NCOA2: variants seen among roughly 807,000 people sequenced by gnomAD.
NCOA2 encodes the protein class E basic helix-loop-helix protein 75.
In NCOA2, 21 loss-of-function variants were observed where a neutral mutation model predicts 145.1. That is an observed-to-expected ratio of 0.14 (90% confidence interval 0.10 to 0.21). The LOEUF (loss-of-function observed/expected upper bound fraction) is 0.21. NCOA2 is among the 10% of genes least tolerant of loss of function. The pLI is 1.00. For synonymous variants in NCOA2, 619 were observed against 637.5 expected, an observed-to-expected ratio of 0.97 and a Z score of 0.44; for missense variants, 1,472 against 1,837.6, an observed-to-expected ratio of 0.80 and a Z score of 3.64.
At chr8:70,277,034 AG>A (rs1225415371) in intron 2 of NCOA2, among the ~76,000 whole-genome samples, 1 of 152,224 alleles carries the variant, frequency 6.6e-6, no homozygotes. Flanking sequence ...ACCCCATTTA[AG>A]CAGAACCTAG....
At chr8:70,201,126 T>G (rs976903635) in intron 4 of NCOA2, among the ~76,000 whole-genome samples, 14 of 151,964 alleles carry the variant, frequency 9.2e-5, no homozygotes, top group African/African-American at 2.9e-4. Flanking sequence ...ATGGTAAATT[T>G]TATATTATGA....
At chr8:70,371,042 C>T (rs776176757) in intron 1 of NCOA2, among the ~76,000 whole-genome samples, 1 of 152,150 alleles carries the variant, frequency 6.6e-6, no homozygotes, top group Non-Finnish European at 1.5e-5. Context: ...AATCCCAGCA[C>T]TTTGGGAGGC....
chr8:70,449,635 G>T, the NCOA2 span, among the ~76,000 whole-genome samples: 1 of 152,114 alleles, frequency 6.6e-6, no homozygotes, highest in Non-Finnish European at 1.5e-5. Flanking sequence ...TCTACCCAGG[G>T]ATCCCCACTG....
chr8:70,329,825 C>T (rs977350340), intron 1 of NCOA2, among the ~76,000 whole-genome samples: 4 of 152,142 alleles, frequency 2.6e-5, no homozygotes, highest in Admixed American at 6.6e-5. Flanking sequence ...CAAAAAAGTA[C>T]GTCTTATATG....
upstream of NCOA2, among the ~76,000 whole-genome samples, chr8:70,406,839 A>G (rs575837774): frequency 1.1e-3 from 171 of 152,326 alleles, no homozygotes; most frequent in African/African-American, 4.0e-3. Flanking sequence ...AGTTAATACT[A>G]CTAGCATACA....
Position 70,157,100 on chromosome 8 carries a change from T to C in NCOA2, c.1265A>G (p.Asn422Ser), listed in dbSNP as rs1408672577. The C allele has an allele frequency of 1.9e-6, 3 of 1,613,856 alleles. No individual in the cohort carries two copies. The highest frequency in any genetic ancestry group is 2.5e-6 in the Non-Finnish European group (3 of 1,179,896). Residue 422 changes from asparagine to serine, a missense_variant, in exon 11 of 23, where the codon AAT becomes AGT. By Grantham distance (46) the Asn-to-Ser change is conservative. Around this residue, in one of 4 missense-constraint regions of NCOA2, gnomAD observed 953 missense variants for 1,062.1 expected, o/e 0.90. Transcript: ENST00000452400. ...TGGGCCATTTATGGGAAAATTTATA[T>C]TGCTACTGAGGGTCATGTCCTGACC... ...NPGQDMTLSS[N>S]INFPINGPKE...
chr8:70,128,636 C>T (rs1343114995), intron 17 of NCOA2, 66 bp downstream of exon 17: 2 of 1,596,774 alleles, frequency 1.3e-6, no homozygotes, highest in African/African-American at 1.3e-5. Context: ...TGTGCTGTCT[C>T]ACATCATCTT....
intron 1 of NCOA2, among the ~76,000 whole-genome samples, chr8:70,354,613 A>G (rs1225273728): frequency 6.6e-6 from 1 of 152,194 alleles, no homozygotes; most frequent in Non-Finnish European, 1.5e-5. Flanking sequence ...CTGGCCCTTC[A>G]TCTCTGAAGA....
At chr8:70,282,028 A>G (rs7003091) in intron 2 of NCOA2, among the ~76,000 whole-genome samples, 16,005 of 152,260 alleles carry the variant, frequency 0.11, 1,283 homozygotes, top group East Asian at 0.41. Context: ...ATCATTCTGA[A>G]TATTTGATAC....
the NCOA2 span, among the ~76,000 whole-genome samples, chr8:70,420,025 G>A: frequency 6.6e-6 from 1 of 152,184 alleles, no homozygotes; most frequent in Non-Finnish European, 1.5e-5. Context: ...ATATGTGCTG[G>A]AGTATTTTTC....
rs149357732 is a variant in NCOA2 at position 70,111,370 on chromosome 8, C to T, written c.*2262G>A. ...GTGCTGTGTGAAGTTAAAAGTCATT[C>T]TAATTCACATATTTCTGAACATTAA... On this transcript the variant is annotated 3_prime_UTR_variant, in exon 23 of 23. Coordinates refer to ENST00000452400, the MANE Select transcript of NCOA2 (RefSeq NM_006540.4). 3 of 223,882 alleles carry T rather than the reference C, an allele frequency of 1.3e-5. No homozygotes were observed. Among genetic ancestry groups the T allele is most frequent in the Admixed American group, 1.1e-4 (2 of 17,462 alleles). The allele number at this position is 223,882 out of a possible 1,614,324, so 13.9% of individuals were successfully genotyped here.
intron 2 of NCOA2, among the ~76,000 whole-genome samples, chr8:70,290,188 T>C (rs910169306): frequency 6.7e-5 from 10 of 149,620 alleles, no homozygotes; most frequent in Non-Finnish European, 1.2e-4. Flanking sequence ...CCATTGATTT[T>C]TTTTTTTTTT....
At chr8:70,291,959 C>T (rs1826720591) in intron 2 of NCOA2, among the ~76,000 whole-genome samples, 1 of 151,746 alleles carries the variant, frequency 6.6e-6, no homozygotes, top group Non-Finnish European at 1.5e-5. Context: ...GCCTGTAGTC[C>T]CAGCTACTCG....
the NCOA2 span, among the ~76,000 whole-genome samples, chr8:70,420,865 G>C: frequency 6.6e-6 from 1 of 151,988 alleles, no homozygotes. Context: ...GGATGGTCTC[G>C]ATCTCTTGAC....
the NCOA2 span, among the ~76,000 whole-genome samples, chr8:70,435,448 A>AAAAAAAAAAG: frequency 2.0e-5 from 3 of 147,494 alleles, no homozygotes; most frequent in African/African-American, 7.5e-5. Flanking sequence ...AAAAAAAAAA[A>AAAAAAAAAAG]AAAAAGAATA....
At chr8:70,422,863 A>G in the NCOA2 span, among the ~76,000 whole-genome samples, 1 of 152,044 alleles carries the variant, frequency 6.6e-6, no homozygotes, top group African/African-American at 2.4e-5. Context: ...TGTCATTAAA[A>G]TGTTGTTACG....
intron 1 of NCOA2, among the ~76,000 whole-genome samples, chr8:70,393,652 G>A (rs1245450369): frequency 6.6e-6 from 1 of 152,124 alleles, no homozygotes; most frequent in Non-Finnish European, 1.5e-5. Flanking sequence ...TGTAGGGCCA[G>A]GCCAGGTGTG....
chr8:70,141,152 G>A (rs1305594852), intron 14 of NCOA2, 32 bp downstream of exon 14: 1 of 1,594,546 alleles, frequency 6.3e-7, no homozygotes, highest in South Asian at 1.1e-5. Flanking sequence ...GAGCATAAAA[G>A]TTAAAAGCAA....
chr8:70,159,222 T>TATATATATATGTATGTGTG (rs1812619153), intron 10 of NCOA2, among the ~76,000 whole-genome samples: 1 of 44,488 alleles, frequency 2.2e-5, no homozygotes, highest in African/African-American at 6.7e-5. Flanking sequence ...CAGTATAACA[T>TATATATATATGTATGTGTG]TATATATATA....
Sources: allele counts gnomAD v4.1 joint callset (sites outside exome capture counted in the v4.1 genomes callset), GRCh38; gene constraint gnomAD v4.1.1; regional missense constraint gnomAD v4.1.1; transcripts MANE v1.5; gene names NCBI Gene and HGNC (gene_info 2026-07-23, HGNC 2026-07-21).